The following KIAA1217 variants were observed in gnomAD, a reference collection of about 807,000 sequenced individuals.
KIAA1217 encodes sickle tail protein homolog.
KIAA1217 carries 88 observed loss-of-function variants against 163.9 expected under a neutral mutation model. That is an observed-to-expected ratio of 0.54 (90% CI 0.45 to 0.64). The LOEUF (loss-of-function observed/expected upper bound fraction) is 0.64, where lower values mean the gene tolerates loss of function less well. Among genes scored for constraint, KIAA1217 ranks in the 30% least tolerant of loss-of-function variants. The probability of loss-of-function intolerance (pLI) is 0.00; values close to 1 mark genes in which losing one functional copy is unlikely to be tolerated. For missense variants in KIAA1217, 2,372 were observed against 2,475.0 expected (o/e 0.96, Z 0.88); for synonymous variants, 903 against 923.1 (o/e 0.98, Z 0.39).
intron 1 of KIAA1217, among the ~76,000 whole-genome samples, chr10:23,973,885 C>A (rs1237552645): frequency 1.3e-5 from 2 of 151,906 alleles, no homozygotes; most frequent in African/African-American, 4.8e-5. Context: ...AATGAAGACA[C>A]CTTCCGACCA....
chr10:24,072,680 G>C (rs920865535), intron 2 of KIAA1217, among the ~76,000 whole-genome samples: 2 of 152,116 alleles, frequency 1.3e-5, no homozygotes, highest in Non-Finnish European at 2.9e-5. Flanking sequence ...CAGATGCCTA[G>C]GCTATGCTTA....
chr10:24,230,502 G>GGTTTTTTTTTTTTTTTTTTTTTTTTTTTT (rs1190436596), intron 2 of KIAA1217, among the ~76,000 whole-genome samples: 1 of 90,608 alleles, frequency 1.1e-5, no homozygotes, highest in African/African-American at 4.5e-5. Flanking sequence ...TATTTGTTTT[G>GGTTTTTTTTTTTTTTTTTTTTTTTTTTTT]TTTTTTTTTT....
intron 2 of KIAA1217, among the ~76,000 whole-genome samples, chr10:24,269,211 A>T (rs919928405): frequency 1.0e-4 from 11 of 110,338 alleles, no homozygotes; most frequent in South Asian, 8.9e-4. Context: ...AAGTATAATT[A>T]AAAAAAAAAA....
intron 20 of KIAA1217, 150 bp from the exon 21 acceptor site, chr10:24,545,677 A>C: frequency 1.4e-6 from 2 of 1,451,802 alleles, no homozygotes; most frequent in Non-Finnish European, 1.8e-6. Context: ...GGTCCAGTAG[A>C]GCACAACAAG....
In KIAA1217 at chr10:24,513,242, T is replaced by C. The variant is rs369368752; in HGVS notation, c.2002-17T>C. On this transcript the variant is annotated splice_polypyrimidine_tract_variant and intron_variant, in intron 9 of 20. Coordinates refer to ENST00000376454, the MANE Select transcript of KIAA1217 (RefSeq NM_019590.5). ...GGCAGGCAGAGCCCACTGAGGTTGA[T>C]TTTTTTGTGTTCACAGCTGCAGAAC... The C allele has an allele frequency of 5.0e-6, 8 of 1,610,856 alleles. No individual in the cohort carries two copies. The East Asian group carries it at 8.9e-5, about 18-fold the overall frequency.
At chr10:24,273,625 G>A (rs750314573) in intron 2 of KIAA1217, among the ~76,000 whole-genome samples, 8 of 152,076 alleles carry the variant, frequency 5.3e-5, no homozygotes, top group Non-Finnish European at 1.0e-4. Context: ...GCCAAGGTGG[G>A]TGGATCACCT....
chr10:24,387,840 C>T (rs577447990), intron 3 of KIAA1217, among the ~76,000 whole-genome samples: 1 of 151,824 alleles, frequency 6.6e-6, no homozygotes, highest in South Asian at 2.1e-4. Flanking sequence ...AGGAATCCAA[C>T]TTACAAGGGA....
At position 24,473,703 on chromosome 10, in the gene KIAA1217, A is replaced by G; in HGVS notation, c.1322A>G (p.Gln441Arg). The G allele has an allele frequency of 6.2e-7, 1 of 1,614,082 alleles. No individual in the cohort carries two copies. Among genetic ancestry groups the G allele is most frequent in the South Asian group, 1.1e-5 (1 of 91,078 alleles). The change falls in exon 6 of 21, where the codon CAA becomes CGA. Residue 441 changes from glutamine (Q) to arginine (R), a missense_variant. By Grantham distance (43) the Gln-to-Arg change is conservative. Coordinates refer to ENST00000376454, the MANE Select transcript of KIAA1217 (RefSeq NM_019590.5). Reference protein sequence around the residue: ...SASAYCNPSMQAEMHMEQSLY... With the variant: ...SASAYCNPSMRAEMHMEQSLY... ...AGTGCTTATTGTAACCCCTCAATGC[A>G]AGCGGAAATGCATATGGAACAATCA...
In KIAA1217 at chr10:24,066,644, T is replaced by C. The variant is rs148457758; in HGVS notation, c.-171+59270T>C. Among the ~76,000 whole-genome samples the C allele has an allele frequency of 2.7e-3, 413 of 152,204 alleles. 3 individuals carry two copies. The highest frequency in any genetic ancestry group is 9.3e-3 in the African/African-American group (386 of 41,514). ...TCTTGGAGTTGCTCTTCTCGAGGAGTATCTTTGTGGCATTCTGTGTATTTC... is the reference window on the plus strand; with the variant it reads ...TCTTGGAGTTGCTCTTCTCGAGGAGCATCTTTGTGGCATTCTGTGTATTTC... On this transcript the variant is annotated intron_variant, in intron 2 of 18. Transcript: ENST00000376462.
chr10:24,111,841 C>T (rs924754023), intron 2 of KIAA1217, among the ~76,000 whole-genome samples: 4 of 152,174 alleles, frequency 2.6e-5, no homozygotes, highest in Non-Finnish European at 4.4e-5. Context: ...GAACACAGTT[C>T]ACTGCAGCCT....
intron 2 of KIAA1217, among the ~76,000 whole-genome samples, chr10:24,243,946 A>C (rs781103874): frequency 7.7e-4 from 118 of 152,308 alleles, no homozygotes; most frequent in Admixed American, 2.2e-3. Context: ...AGCACTTTAC[A>C]CCTAGTGGGT....
intron 1 of KIAA1217, among the ~76,000 whole-genome samples, chr10:23,768,411 A>T (rs142696580): frequency 2.9e-4 from 44 of 152,290 alleles, no homozygotes; most frequent in African/African-American, 1.0e-3. Context: ...GAGAGGGGGG[A>T]TCCTGTCTGG....
intron 10 of KIAA1217, 135 bp downstream of exon 10, chr10:24,513,569 T>A: frequency 1.3e-6 from 1 of 777,186 alleles, no homozygotes; most frequent in Non-Finnish European, 2.0e-6. Flanking sequence ...GTTAGAGTTC[T>A]GCTGATGCTG....
Position 24,543,570 on chromosome 10 carries a change from C to G in KIAA1217, c.4300C>G (p.Pro1434Ala), listed in dbSNP as rs368865275. ...ACAAGAAGGGACTGACAATGAGGAT[C>G]CAGTCGTGTGCCTGGACAAGAAACC... ...PRQEGTDNED[P>A]VVCLDKKPVI... The change falls in exon 19 of 21, where the codon CCA (proline) becomes GCA (alanine). Residue 1434 changes from proline to alanine, a missense_variant. By Grantham distance (27) the Pro-to-Ala change is conservative. Transcript: ENST00000376454. 3 of 1,613,970 alleles carry G rather than the reference C, an allele frequency of 1.9e-6. No homozygotes were observed. Among genetic ancestry groups the G allele is most frequent in the East Asian group, 2.2e-5 (1 of 44,882 alleles).
At chr10:23,970,337 A>C (rs1010180418) in intron 1 of KIAA1217, among the ~76,000 whole-genome samples, 4 of 152,196 alleles carry the variant, frequency 2.6e-5, no homozygotes, top group African/African-American at 9.7e-5. Flanking sequence ...GTCATTTGCT[A>C]TCTGGAGGAA....
At chr10:24,248,636 C>T (rs966369302) in intron 2 of KIAA1217, among the ~76,000 whole-genome samples, 2 of 144,020 alleles carry the variant, frequency 1.4e-5, no homozygotes, top group South Asian at 4.5e-4. Flanking sequence ...ACTCCACTGC[C>T]CTCCAGCCTG....
At chr10:23,740,838 G>A (rs1330440211) in intron 1 of KIAA1217, among the ~76,000 whole-genome samples, 1 of 152,092 alleles carries the variant, frequency 6.6e-6, no homozygotes, top group Non-Finnish European at 1.5e-5. Flanking sequence ...TGAAGCAGGA[G>A]AATTGCTTGA....
At chr10:24,269,931 G>A (rs570611495) in intron 2 of KIAA1217, among the ~76,000 whole-genome samples, 1 of 152,088 alleles carries the variant, frequency 6.6e-6, no homozygotes, top group Non-Finnish European at 1.5e-5. Context: ...CTATGAGAAG[G>A]CCTCTAGTCT....
intron 2 of KIAA1217, among the ~76,000 whole-genome samples, chr10:24,083,867 G>A (rs2061610177): frequency 6.6e-6 from 1 of 152,162 alleles, no homozygotes; most frequent in South Asian, 2.1e-4. Context: ...AGGACCACCA[G>A]GGAATAGCAG....
Sources: allele counts gnomAD v4.1 joint callset (sites outside exome capture counted in the v4.1 genomes callset), GRCh38; gene constraint gnomAD v4.1.1; transcripts MANE v1.5; gene names NCBI Gene and HGNC (gene_info 2026-07-23, HGNC 2026-07-21).